Variants in TPH2 observed in about 807,000 individuals in gnomAD.
TPH2 encodes the protein tryptophan 5-hydroxylase 2.
A neutral mutation model predicts 59.1 loss-of-function variants in TPH2; 27 were observed. That is an observed-to-expected ratio of 0.46 (90% CI 0.34 to 0.63). The LOEUF (loss-of-function observed/expected upper bound fraction) is 0.63. Among genes scored for constraint, TPH2 ranks in the 30% least tolerant of loss-of-function variants. The pLI is 0.01. For synonymous variants in TPH2, 220 were observed against 210.5 expected (o/e 1.05, Z -0.39); for missense variants, 523 against 588.3 (o/e 0.89, Z 1.15).
chr12:72,025,294 C>T (rs1358305814), intron 9 of TPH2, among the ~76,000 whole-genome samples: 2 of 152,110 alleles, frequency 1.3e-5, no homozygotes, highest in African/African-American at 4.8e-5. Flanking sequence ...GTCATCTTTA[C>T]AACTTTTTAG....
Position 71,963,421 on chromosome 12 carries a change from T to C in TPH2, c.609-9098T>C, listed in dbSNP as rs1190994491. 7.8e-4 allele frequency among the ~76,000 whole-genome samples: 29 copies of C among 37,168 alleles called. 10 individuals carry two copies. The highest frequency in any genetic ancestry group is 2.1e-3 in the African/African-American group (29 of 14,044). The allele number at this position is 37,168 out of a possible 152,430, so 24.4% of individuals were successfully genotyped here. A position where few individuals can be genotyped will look rare whatever the true frequency, so the allele number is the denominator to read the frequency against. On this transcript the variant is annotated intron_variant, in intron 5 of 10. Coordinates refer to ENST00000333850, the MANE Select transcript of TPH2 (RefSeq NM_173353.4). ...ATATTATATATGTACTAATACTATG[T>C]ATTAGTGTGTGTATATACATACATA...
chr12:71,955,358 C>T (rs921638312), intron 5 of TPH2, among the ~76,000 whole-genome samples: 3 of 152,132 alleles, frequency 2.0e-5, no homozygotes, highest in African/African-American at 7.2e-5. Flanking sequence ...ATACAATGTA[C>T]TTTGTTATCC....
At chr12:71,964,812 G>A in intron 5 of TPH2, 1 of 902,498 alleles carries the variant, frequency 1.1e-6, no homozygotes, top group South Asian at 5.1e-5. Flanking sequence ...AGGTTTAGGG[G>A]TACATGTGAA....
intron 5 of TPH2, 99 bp from the exon 6 acceptor site, chr12:71,972,420 A>G (rs1000279561): frequency 8.5e-7 from 1 of 1,176,086 alleles, no homozygotes. Context: ...CATGTGCTCC[A>G]CTTTGCCAGG....
chr12:71,977,152 A>G (rs1272979429), intron 6 of TPH2, among the ~76,000 whole-genome samples: 1 of 152,160 alleles, frequency 6.6e-6, no homozygotes, highest in African/African-American at 2.4e-5. Context: ...CCTAGGCTCA[A>G]GCGATTCTTG....
chr12:71,948,130 A>C (rs1473154456), intron 4 of TPH2, among the ~76,000 whole-genome samples: 2 of 152,080 alleles, frequency 1.3e-5, no homozygotes, highest in African/African-American at 4.8e-5. Flanking sequence ...AAGGGCACAG[A>C]TCTATTTGTG....
chr12:71,972,064 C>G (rs999927161), intron 5 of TPH2, among the ~76,000 whole-genome samples: 1 of 152,108 alleles, frequency 6.6e-6, no homozygotes, highest in Non-Finnish European at 1.5e-5. Flanking sequence ...CAAATAATCT[C>G]AAAATTACAC....
chr12:71,971,160 C>G (rs1871963151), intron 5 of TPH2, among the ~76,000 whole-genome samples: 1 of 152,172 alleles, frequency 6.6e-6, no homozygotes, highest in Non-Finnish European at 1.5e-5. Flanking sequence ...ATTGAAGATG[C>G]CCCTCTCACT....
intron 8 of TPH2, among the ~76,000 whole-genome samples, chr12:72,015,782 G>A (rs1282479133): frequency 1.3e-5 from 2 of 152,124 alleles, no homozygotes; most frequent in African/African-American, 4.8e-5. Flanking sequence ...GGAATTCCCA[G>A]CTTTATAGAC....
At chr12:71,974,726 T>C (rs534195179) in intron 6 of TPH2, among the ~76,000 whole-genome samples, 4 of 152,232 alleles carry the variant, frequency 2.6e-5, no homozygotes, top group Admixed American at 2.0e-4. Flanking sequence ...TTGCCACTTA[T>C]GGCTTCATGA....
chr12:72,009,509 T>C (rs1397083195), intron 8 of TPH2, among the ~76,000 whole-genome samples: 1 of 152,242 alleles, frequency 6.6e-6, no homozygotes, highest in Non-Finnish European at 1.5e-5. Flanking sequence ...GGCTTTTTAA[T>C]AGAGACACAA....
At chr12:72,027,274 T>C (rs1873597317) in intron 9 of TPH2, among the ~76,000 whole-genome samples, 1 of 151,988 alleles carries the variant, frequency 6.6e-6, no homozygotes, top group East Asian at 1.9e-4. Flanking sequence ...TTCAGACCCC[T>C]GAGGGAGAAG....
At chr12:72,031,113 G>T in intron 9 of TPH2, 145 bp from the exon 10 acceptor site, 1 of 1,145,806 alleles carries the variant, frequency 8.7e-7, no homozygotes, top group Non-Finnish European at 1.3e-6. Context: ...CCTGCACACA[G>T]GAGAGTTCCA....
intron 8 of TPH2, among the ~76,000 whole-genome samples, chr12:72,003,388 T>G (rs1445620762): frequency 1.3e-5 from 2 of 152,236 alleles, no homozygotes; most frequent in Non-Finnish European, 2.9e-5. Context: ...AAGAGTAACT[T>G]AATTAAAAGT....
intron 7 of TPH2, among the ~76,000 whole-genome samples, chr12:71,988,413 C>T (rs1016459775): frequency 6.6e-6 from 1 of 152,100 alleles, no homozygotes; most frequent in Non-Finnish European, 1.5e-5. Flanking sequence ...AGCATAGTGG[C>T]ATCTGTTTCT....
chr12:71,986,501 A>G (rs1872440427), intron 7 of TPH2, among the ~76,000 whole-genome samples: 2 of 152,176 alleles, frequency 1.3e-5, no homozygotes, highest in Non-Finnish European at 2.9e-5. Flanking sequence ...AAAAAATCAT[A>G]TACATTATTT....
chr12:72,002,406 C>T (rs1314531586), intron 8 of TPH2, among the ~76,000 whole-genome samples: 1 of 151,978 alleles, frequency 6.6e-6, no homozygotes, highest in Non-Finnish European at 1.5e-5. Flanking sequence ...TGAGAATACA[C>T]TGTAGTAATC....
At chr12:72,006,211 A>T (rs1445939107) in intron 8 of TPH2, among the ~76,000 whole-genome samples, 1 of 152,106 alleles carries the variant, frequency 6.6e-6, no homozygotes, top group Non-Finnish European at 1.5e-5. Context: ...TGGCTGGATG[A>T]GGTTAAAGAG....
chr12:71,990,899 T>C (rs1872566896), intron 7 of TPH2, among the ~76,000 whole-genome samples: 1 of 152,234 alleles, frequency 6.6e-6, no homozygotes, highest in Non-Finnish European at 1.5e-5. Context: ...AGAGTATCTC[T>C]GAGGTTCCAT....
Sources: allele counts gnomAD v4.1 joint callset (sites outside exome capture counted in the v4.1 genomes callset), GRCh38; gene constraint gnomAD v4.1.1; transcripts MANE v1.5; gene names NCBI Gene and HGNC (gene_info 2026-07-23, HGNC 2026-07-21).